DCC: variants seen among roughly 807,000 people sequenced by gnomAD.
DCC encodes the protein DCC netrin 1 receptor.
Under a neutral mutation model 172.5 loss-of-function variants are expected in DCC, and 58 were observed. That is an observed-to-expected ratio of 0.34 (90% CI 0.27 to 0.42). The LOEUF is 0.42. DCC is among the 10% of genes least tolerant of loss of function. The pLI is 1.00. For synonymous variants in DCC, 709 were observed against 644.5 expected (o/e 1.10, Z -1.52); for missense variants, 1,740 against 1,791.0 (o/e 0.97, Z 0.51).
chr18:52,383,362 A>G (rs926422313), intron 1 of DCC, among the ~76,000 whole-genome samples: 7 of 152,052 alleles, frequency 4.6e-5, no homozygotes, highest in African/African-American at 1.7e-4. Flanking sequence ...TATCAGAGGG[A>G]TTAGTGTTTT....
At chr18:52,865,076 A>G (rs1217432010) in intron 2 of DCC, among the ~76,000 whole-genome samples, 2 of 151,988 alleles carry the variant, frequency 1.3e-5, no homozygotes, top group Non-Finnish European at 2.9e-5. Context: ...TGTGTTTGCC[A>G]GGATGGTCTT....
chr18:52,602,829 G>A (rs551407181), intron 1 of DCC, among the ~76,000 whole-genome samples: 1 of 152,056 alleles, frequency 6.6e-6, no homozygotes, highest in South Asian at 2.1e-4. Flanking sequence ...TTATGCCTTA[G>A]GTCTATTGGT....
At chr18:52,985,973 G>T (rs2041286800) in intron 5 of DCC, among the ~76,000 whole-genome samples, 1 of 152,000 alleles carries the variant, frequency 6.6e-6, no homozygotes, top group Non-Finnish European at 1.5e-5. Context: ...TGCCTTTTAG[G>T]GTTGGCTGTT....
intron 1 of DCC, among the ~76,000 whole-genome samples, chr18:52,690,970 G>A (rs2035921320): frequency 1.3e-5 from 2 of 152,110 alleles, no homozygotes; most frequent in Non-Finnish European, 2.9e-5. Flanking sequence ...CAGCATATAC[G>A]AAGGTCTGCC....
At chr18:52,634,828 T>C (rs533393934) in intron 1 of DCC, among the ~76,000 whole-genome samples, 1 of 152,256 alleles carries the variant, frequency 6.6e-6, no homozygotes, top group Admixed American at 6.5e-5. Flanking sequence ...TCCTGGGCCT[T>C]TGAACTTTGT....
intron 1 of DCC, among the ~76,000 whole-genome samples, chr18:52,435,486 G>C (rs117408950): frequency 1.3e-5 from 2 of 152,120 alleles, no homozygotes; most frequent in African/African-American, 4.8e-5. Flanking sequence ...CCACACACAC[G>C]CTAATGCTCT....
chr18:52,913,939 TAAAAA>T (rs1332031422), intron 3 of DCC, among the ~76,000 whole-genome samples: 1 of 151,962 alleles, frequency 6.6e-6, no homozygotes, highest in African/African-American at 2.4e-5. Flanking sequence ...TCCTGGAACA[TAAAAA>T]AAGACAAATT....
rs2056817108 is a variant in DCC at position 53,277,311 on chromosome 18, A to T, written c.1912-28267A>T. Among the ~76,000 whole-genome samples the T allele has an allele frequency of 2.0e-5, 3 of 152,164 alleles. No homozygotes were observed. The South Asian group carries it at 6.2e-4, about 32-fold the overall frequency. On this transcript the variant is annotated intron_variant, in intron 12 of 28. Coordinates refer to ENST00000442544, the MANE Select transcript of DCC (RefSeq NM_005215.4). ...ATGGTGAAACCTCATCTCTACTAAA[A>T]ATACAAAAATTAGTCAGGCATGGTG... is the stretch of plus-strand genomic sequence containing the variant.
intron 1 of DCC, among the ~76,000 whole-genome samples, chr18:52,626,255 G>T (rs1486336270): frequency 6.6e-6 from 1 of 152,092 alleles, no homozygotes; most frequent in African/African-American, 2.4e-5. Context: ...GTGCCATATA[G>T]ATGGAAAACC....
chr18:53,354,748 AG>A (rs1336390150), intron 15 of DCC, among the ~76,000 whole-genome samples: 3 of 147,940 alleles, frequency 2.0e-5, no homozygotes, highest in African/African-American at 7.6e-5. Flanking sequence ...GCTGTGCAGA[AG>A]CTCTTTAGTT....
chr18:52,345,546 G>A (rs1190522001), intron 1 of DCC, among the ~76,000 whole-genome samples: 2 of 152,026 alleles, frequency 1.3e-5, no homozygotes. Context: ...TGAATTTTTC[G>A]GCAGCCTGCT....
chr18:52,914,981 G>A (rs530918931), intron 3 of DCC, among the ~76,000 whole-genome samples: 2 of 152,188 alleles, frequency 1.3e-5, no homozygotes, highest in South Asian at 2.1e-4. Flanking sequence ...AAAGAAAACC[G>A]AGGAGTACAC....
chr18:53,148,488 G>C (rs538121046), intron 7 of DCC, among the ~76,000 whole-genome samples: 1 of 152,074 alleles, frequency 6.6e-6, no homozygotes, highest in East Asian at 1.9e-4. Flanking sequence ...GAAACAAAGC[G>C]AGCTGCAATT....
intron 1 of DCC, 41 bp downstream of exon 1, chr18:52,340,919 G>A: frequency 1.4e-6 from 2 of 1,410,556 alleles, no homozygotes; most frequent in Non-Finnish European, 2.0e-6. Flanking sequence ...ACCCCCTTCC[G>A]TACCCCACTT....
chr18:52,658,705 T>C (rs1343641533), intron 1 of DCC, among the ~76,000 whole-genome samples: 1 of 152,166 alleles, frequency 6.6e-6, no homozygotes, highest in African/African-American at 2.4e-5. Context: ...AGAGATTTTG[T>C]GTGTGTACAA....
At chr18:52,448,711 T>A (rs1988207268) in intron 1 of DCC, among the ~76,000 whole-genome samples, 1 of 152,306 alleles carries the variant, frequency 6.6e-6, no homozygotes, top group East Asian at 1.9e-4. Flanking sequence ...TGAGCAGACA[T>A]AATCCATATA....
intron 1 of DCC, among the ~76,000 whole-genome samples, chr18:52,350,344 G>A (rs1452278680): frequency 1.3e-5 from 2 of 152,150 alleles, no homozygotes; most frequent in Non-Finnish European, 2.9e-5. Flanking sequence ...TACATTTATT[G>A]ATTTGCGTAT....
intron 1 of DCC, among the ~76,000 whole-genome samples, chr18:52,745,036 A>G (rs1456699068): frequency 6.6e-6 from 1 of 152,170 alleles, no homozygotes; most frequent in African/African-American, 2.4e-5. Flanking sequence ...AATTTTGCTT[A>G]ATGGGGTAAG....
Position 52,709,229 on chromosome 18 carries a change from G to C in DCC, c.92-42825G>C, listed in dbSNP as rs148591023. On this transcript the variant is annotated intron_variant, in intron 1 of 28. Transcript: ENST00000442544. ...TATATGCTGGGACTATTAAAATGTA[G>C]GTAGATTGTATAATCCGTATTTGAT... is the stretch of plus-strand genomic sequence containing the variant. Among the ~76,000 whole-genome samples, 1,216 of 152,210 alleles carry C rather than the reference G, an allele frequency of 8.0e-3. 19 individuals are homozygous for C. Among genetic ancestry groups the C allele is most frequent in the African/African-American group, 0.028 (1,159 of 41,534 alleles).
Sources: gnomAD v4.1 joint callset for allele counts (sites outside exome capture counted in the v4.1 genomes callset) on GRCh38, gnomAD v4.1.1 for gene constraint, MANE v1.5 for transcripts, NCBI Gene and HGNC (gene_info 2026-07-23, HGNC 2026-07-21) for gene names.